L3MBTL2: variants seen among roughly 807,000 people sequenced by gnomAD.
L3MBTL2 encodes L3MBTL histone methyl-lysine binding protein 2, also known as lethal(3)malignant brain tumor-like protein 2.
A neutral mutation model predicts 86.4 loss-of-function variants in L3MBTL2; 49 were observed. The observed-to-expected ratio is 0.57, with a 90% CI of 0.45 to 0.72. L3MBTL2 has a LOEUF of 0.72. Ranked by LOEUF, L3MBTL2 falls within the 30% of genes least tolerant of loss-of-function variation. The pLI, the probability that L3MBTL2 is intolerant of heterozygous loss-of-function variation, is 0.00. For missense variants in L3MBTL2, 755 were observed against 923.7 expected (o/e 0.82, Z 2.37); for synonymous variants, 336 against 350.6 (o/e 0.96, Z 0.47).
At chr22:41,216,943 C>T (rs2031423039) in intron 4 of L3MBTL2, 180 bp from the exon 5 acceptor site, 5 of 579,528 alleles carry the variant, frequency 8.6e-6, no homozygotes, top group Non-Finnish European at 1.2e-5. Flanking sequence ...ACAGTGGTCC[C>T]TCATGGCCAC....
Position 41,230,145 on chromosome 22 carries a change from C to G in L3MBTL2, c.2012C>G (p.Ala671Gly), listed in dbSNP as rs1238807973. 8.1e-7 allele frequency: 1 copy of G among 1,232,100 alleles called. No homozygotes were observed. The highest frequency in any genetic ancestry group is 1.9e-5 in the Admixed American group (1 of 51,470). The allele number at this position is 1,232,100 out of a possible 1,614,324, so 76.3% of individuals were successfully genotyped here. A position where few individuals can be genotyped will look rare whatever the true frequency, so the allele number is the denominator to read the frequency against. Residue 671 changes from alanine (A) to glycine (G), a missense_variant, in exon 17 of 17, where the codon GCT (alanine) becomes GGT (glycine). Coordinates refer to ENST00000216237, the MANE Select transcript of L3MBTL2 (RefSeq NM_031488.5). ...GCCTCCCCTCCCTCTTCAGTCATTG[C>G]TGTGCGTGTGAAGGAAGAGCATCTA... ...SSEPVPGEII[A>G]VRVKEEHLDV... is the part of the protein sequence containing the mutation.
chr22:41,227,062 G>C lies in L3MBTL2; in HGVS notation c.1588-27G>C. ...GCTGGGGTAGGGAGCTGACTGGCTT[G>C]GCCACTGCCTCCTTTTTCTGCCCCA... On this transcript the variant is annotated intron_variant, in intron 13 of 16. Transcript: ENST00000216237. The surrounding 1 kb of genome is among the most constrained non-coding windows in gnomAD (Gnocchi z 6.0). 1 of 1,572,850 alleles carries C rather than the reference G, an allele frequency of 6.4e-7. No individual in the cohort carries two copies. The highest frequency in any genetic ancestry group is 8.6e-7 in the Non-Finnish European group (1 of 1,157,798).
chr22:41,215,898 G>T (rs530997121), intron 3 of L3MBTL2, among the ~76,000 whole-genome samples: 7 of 152,332 alleles, frequency 4.6e-5, no homozygotes, highest in Admixed American at 1.3e-4. Context: ...TTAAAAGATA[G>T]AACATGGGTC....
chr22:41,220,695 C>G, intron 6 of L3MBTL2, 39 bp from the exon 7 acceptor site: 3 of 1,575,530 alleles, frequency 1.9e-6, no homozygotes, highest in Non-Finnish European at 2.6e-6. Context: ...CCTTCCCCAG[C>G]TCACCCTCCC....
At chr22:41,214,059 C>T (rs2145579191) in intron 3 of L3MBTL2, 33 bp downstream of exon 3, 2 of 1,611,184 alleles carry the variant, frequency 1.2e-6, no homozygotes, top group Non-Finnish European at 1.7e-6. Context: ...CTTCCCGGTG[C>T]CTTTGGTGCT....
intron 4 of L3MBTL2, among the ~76,000 whole-genome samples, chr22:41,216,582 T>G (rs2031380007): frequency 6.6e-6 from 1 of 152,210 alleles, no homozygotes; most frequent in African/African-American, 2.4e-5. Context: ...AGATATGGTT[T>G]GAAGGCAGGT....
At position 41,205,408 on chromosome 22, in the gene L3MBTL2, G is replaced by C. The variant is rs757322125; in HGVS notation, c.24+22G>C. The C allele has an allele frequency of 3.1e-6, 5 of 1,613,982 alleles. No individual in the cohort carries two copies. The African/African-American group carries it at 6.7e-5, about 22-fold the overall frequency. ...TGAGGTGAGAAGGCGAGGACTTAGC[G>C]TGACTGGGAAAGGGAACTCCGAGAG... On this transcript the variant is annotated intron_variant, in intron 1 of 16. Coordinates refer to ENST00000216237, the MANE Select transcript of L3MBTL2 (RefSeq NM_031488.5).
At chr22:41,212,612 C>T (rs984025989) in intron 2 of L3MBTL2, among the ~76,000 whole-genome samples, 4 of 151,956 alleles carry the variant, frequency 2.6e-5, no homozygotes, top group Admixed American at 6.6e-5. Flanking sequence ...AGTGAAGTCA[C>T]GGGCCAGGCA....
rs762505607 is a variant in L3MBTL2, at chr22:41,205,371, G to C, written c.9G>C (p.Lys3Asn). 1.2e-6 allele frequency: 2 copies of C among 1,614,220 alleles called. No homozygotes were observed. Among genetic ancestry groups the C allele is most frequent in the African/African-American group, 2.7e-5 (2 of 75,062 alleles). ME[K>N]PRSIEETPSS... ...GGCGAAACTGAGGTCTCATGGAGAA[G>C]CCCCGGAGTATTGAGGTGAGAAGGC... Residue 3 changes from lysine (K) to asparagine (N), a missense_variant, in exon 1 of 17, where the codon AAG becomes AAC. Lys to Asn is a moderately conservative substitution (Grantham distance 94). Around this residue, in one of 3 missense-constraint regions of L3MBTL2, gnomAD observed 103 missense variants for 105.2 expected, o/e 0.98. Coordinates refer to ENST00000216237, the MANE Select transcript of L3MBTL2 (RefSeq NM_031488.5).
intron 6 of L3MBTL2, 141 bp from the exon 7 acceptor site, chr22:41,220,593 G>T (rs913623065): frequency 1.3e-6 from 1 of 781,296 alleles, no homozygotes; most frequent in Admixed American, 3.0e-5. Flanking sequence ...TGGAGGTGGA[G>T]CTTGCAGTGA....
rs749947328 is a variant in L3MBTL2 at position 41,226,711 on chromosome 22, G to C, written c.1554G>C (p.Lys518Asn). 13 of 1,613,930 alleles carry C rather than the reference G, an allele frequency of 8.1e-6. No homozygotes were observed. In the Admixed American group the frequency reaches 1.2e-4, roughly 14 times the overall value. The change falls in exon 13 of 17, where the codon AAG (lysine) becomes AAC (asparagine). Residue 518 changes from lysine (K) to asparagine (N), a missense_variant. By Grantham distance (94) the Lys-to-Asn change is moderately conservative. This residue lies in a region of L3MBTL2 where 634 missense variants were observed against 748.9 expected (regional missense o/e 0.85). Transcript: ENST00000216237. The part of the protein sequence containing the change: ...FNWENYLEKT[K>N]SKAAPSRLFN... ...GGGAGAACTACTTGGAGAAGACCAA[G>C]TCGAAAGCCGCTCCATCGAGACTCT...
At position 41,227,342 on chromosome 22, in the gene L3MBTL2, C is replaced by G. The variant is rs200358774; in HGVS notation, c.1822+19C>G. On this transcript the variant is annotated intron_variant, in intron 14 of 16. Coordinates refer to ENST00000216237, the MANE Select transcript of L3MBTL2 (RefSeq NM_031488.5). The surrounding 1 kb of genome is among the most constrained non-coding windows in gnomAD (Gnocchi z 6.0). ...GCCGCAGGTGTGGGCTCTCGTGGCC[C>G]TAAGAGGCTCTGACTTTCTTTCCTC... The G allele has an allele frequency of 6.4e-7, 1 of 1,562,558 alleles. No homozygotes were observed. Among genetic ancestry groups the G allele is most frequent in the Non-Finnish European group, 8.7e-7 (1 of 1,150,674 alleles).
Position 41,216,172 on chromosome 22 carries a change from C to T in L3MBTL2, c.430C>T (p.His144Tyr). The change falls in exon 4 of 17, where the codon CAC (histidine) becomes TAC (tyrosine). Residue 144 changes from histidine (H) to tyrosine (Y), a missense_variant. Around this residue, in one of 3 missense-constraint regions of L3MBTL2, gnomAD observed 634 missense variants for 748.9 expected, o/e 0.85. Transcript: ENST00000216237. ...KPPTKKAKVLHKAAWSAKIGA... is the reference protein window; with the variant it reads ...KPPTKKAKVLYKAAWSAKIGA... ...ACCGACCAAAAAAGCCAAAGTCCTGCACAAGGCTGCCTGGTCTGCCAAAAT... is the reference window on the plus strand; with the variant it reads ...ACCGACCAAAAAAGCCAAAGTCCTGTACAAGGCTGCCTGGTCTGCCAAAAT... 1.2e-6 allele frequency: 2 copies of T among 1,614,094 alleles called. No individual in the cohort carries two copies. The highest frequency in any genetic ancestry group is 1.7e-6 in the Non-Finnish European group (2 of 1,180,000).
chr22:41,220,146 G>A (rs1240710241), intron 6 of L3MBTL2, among the ~76,000 whole-genome samples: 5 of 152,154 alleles, frequency 3.3e-5, no homozygotes, highest in South Asian at 2.1e-4. Context: ...TCAGGAGTTC[G>A]AGACCAGACG....
In L3MBTL2 at chr22:41,213,895, G is replaced by A; in HGVS notation, c.265G>A (p.Val89Ile). Residue 89 changes from valine (V) to isoleucine (I), a missense_variant and splice_region_variant, in exon 3 of 17, where the codon GTC becomes ATC. Physicochemically the swap from Val to Ile is conservative, Grantham distance 29. Coordinates refer to ENST00000216237, the MANE Select transcript of L3MBTL2 (RefSeq NM_031488.5). ...SLDGSGSEPA[V>I]CEMCGIVGTR... Reference sequence around the variant, plus strand: ...CATGTGCTAAGTTCTCTTCCCAGCTGTCTGTGAGATGTGTGGTATCGTGGG... The same window carrying A: ...CATGTGCTAAGTTCTCTTCCCAGCTATCTGTGAGATGTGTGGTATCGTGGG... 6.2e-7 allele frequency: 1 copy of A among 1,614,138 alleles called. No individual in the cohort carries two copies.
chr22:41,226,542 G>T (rs772734314), intron 12 of L3MBTL2, 120 bp from the exon 13 acceptor site: 16 of 745,446 alleles, frequency 2.1e-5, no homozygotes, highest in Non-Finnish European at 3.9e-5. Context: ...GAAGGCTGCT[G>T]GGGAGACTCC....
intron 6 of L3MBTL2, among the ~76,000 whole-genome samples, chr22:41,219,918 A>G (rs1221788956): frequency 1.3e-5 from 2 of 152,112 alleles, no homozygotes; most frequent in African/African-American, 4.8e-5. Context: ...TAATGTTTGT[A>G]TTTTTAGTAG....
chr22:41,208,300 T>C (rs1284732542), intron 1 of L3MBTL2: 2 of 445,494 alleles, frequency 4.5e-6, no homozygotes, highest in African/African-American at 2.0e-5. Context: ...TGGCTAATTT[T>C]TTTTTCTTTT....
Position 41,225,657 on chromosome 22 carries a change from C to T in L3MBTL2, c.1357-137C>T. Reference sequence around the variant, plus strand: ...AAGTACTGTGTGCCCCAGAGAGGCTCAGGTGTCCTCCAGGAGGGCCATGCC... The same window carrying T: ...AAGTACTGTGTGCCCCAGAGAGGCTTAGGTGTCCTCCAGGAGGGCCATGCC... On this transcript the variant is annotated intron_variant, in intron 11 of 16. Coordinates refer to ENST00000216237, the MANE Select transcript of L3MBTL2 (RefSeq NM_031488.5). The surrounding 1 kb of genome is among the most constrained non-coding windows in gnomAD (Gnocchi z 4.1). The T allele has an allele frequency of 1.2e-6, 1 of 812,696 alleles. No homozygotes were observed. The highest frequency in any genetic ancestry group is 1.7e-5 in the African/African-American group (1 of 57,922). The allele number at this position is 812,696 out of a possible 1,614,324, so 50.3% of individuals were successfully genotyped here.
Sources: gnomAD v4.1 joint callset for allele counts (sites outside exome capture counted in the v4.1 genomes callset) on GRCh38, gnomAD v4.1.1 for gene constraint, gnomAD v4.1.1 regional missense constraint, Gnocchi (gnomAD v3.1) non-coding constraint, MANE v1.5 for transcripts, NCBI Gene and HGNC (gene_info 2026-07-23, HGNC 2026-07-21) for gene names.